DCBLD2: variants seen among roughly 807,000 people sequenced by gnomAD.
DCBLD2 encodes discoidin, CUB and LCCL domain-containing protein 2.
DCBLD2 carries 54 observed loss-of-function variants against 86.8 expected under a neutral mutation model. That is an observed-to-expected ratio of 0.62 (90% confidence interval 0.50 to 0.78). The LOEUF (loss-of-function observed/expected upper bound fraction) is 0.78. Ranked by LOEUF, DCBLD2 falls within the 30% of genes least tolerant of loss-of-function variation. The probability of loss-of-function intolerance (pLI) is 0.00; values close to 1 mark genes in which losing one functional copy is unlikely to be tolerated. For missense variants in DCBLD2, 908 were observed against 954.2 expected (o/e 0.95, Z 0.64); for synonymous variants, 354 against 341.3 (o/e 1.04, Z -0.41).
chr3:98,861,248 A>T (rs1268802051), intron 2 of DCBLD2, among the ~76,000 whole-genome samples: 1 of 152,180 alleles, frequency 6.6e-6, no homozygotes. Context: ...ATCTACAAGG[A>T]GACTTAGACT....
intron 2 of DCBLD2, among the ~76,000 whole-genome samples, chr3:98,855,667 C>T (rs1027232400): frequency 2.6e-5 from 4 of 152,188 alleles, no homozygotes; most frequent in Non-Finnish European, 5.9e-5. Context: ...GACAAAAGAG[C>T]ATATAGGTTT....
chr3:98,855,217 G>A (rs1290167974), intron 2 of DCBLD2, among the ~76,000 whole-genome samples: 2 of 152,108 alleles, frequency 1.3e-5, no homozygotes, highest in African/African-American at 4.8e-5. Flanking sequence ...TATTTAAATG[G>A]ATAATAAATG....
At chr3:98,893,627 G>A (rs1015074259) in intron 1 of DCBLD2, among the ~76,000 whole-genome samples, 1 of 152,010 alleles carries the variant, frequency 6.6e-6, no homozygotes, top group Non-Finnish European at 1.5e-5. Flanking sequence ...TAGAAAGCTC[G>A]TCACTGAAAA....
In DCBLD2 at chr3:98,891,215, G is replaced by GGA. The variant is rs137998675; in HGVS notation, c.206-9450_206-9449dup. On this transcript the variant is annotated intron_variant, in intron 1 of 15. Transcript: ENST00000326840. Reference sequence around the variant, plus strand: ...GGGAGAAGGAGAGAGGGAGAGGGAGGGAGAGAGAGAGAGAGAGAAAGAAAG... The same window carrying GGA: ...GGGAGAAGGAGAGAGGGAGAGGGAGGGAGAGAGAGAGAGAGAGAGAAAGAAAG... Among the ~76,000 whole-genome samples, 521 of 148,716 alleles carry GGA rather than the reference G, an allele frequency of 3.5e-3. 3 individuals carry two copies. Among genetic ancestry groups the GGA allele is most frequent in the Middle Eastern group, 6.9e-3 (2 of 290 alleles).
chr3:98,817,549 A>C (rs1401631346), intron 9 of DCBLD2, among the ~76,000 whole-genome samples: 1 of 152,212 alleles, frequency 6.6e-6, no homozygotes, highest in Non-Finnish European at 1.5e-5. Flanking sequence ...GACAAAAATC[A>C]GAAAAGTACT....
intron 3 of DCBLD2, among the ~76,000 whole-genome samples, chr3:98,836,490 C>G (rs1419890994): frequency 6.6e-6 from 1 of 151,988 alleles, no homozygotes; most frequent in Non-Finnish European, 1.5e-5. Flanking sequence ...CTCATGTCTA[C>G]TTCTTTCTAC....
chr3:98,836,728 ACCC>A (rs1470592441), intron 3 of DCBLD2, among the ~76,000 whole-genome samples: 1 of 25,080 alleles, frequency 4.0e-5, no homozygotes, highest in Non-Finnish European at 1.2e-4. Flanking sequence ...GGGGGGGCTG[ACCC>A]CCCCATCTCC....
intron 3 of DCBLD2, among the ~76,000 whole-genome samples, chr3:98,843,909 A>C (rs376827869): frequency 4.6e-5 from 7 of 152,168 alleles, no homozygotes; most frequent in African/African-American, 1.7e-4. Context: ...CAAACTTTAT[A>C]GACTGAGCAC....
intron 2 of DCBLD2, among the ~76,000 whole-genome samples, chr3:98,873,841 T>C (rs776548642): frequency 4.6e-5 from 7 of 152,128 alleles, no homozygotes; most frequent in Non-Finnish European, 7.4e-5. Flanking sequence ...TGCCCCTAGC[T>C]AATTTAATGA....
intron 2 of DCBLD2, among the ~76,000 whole-genome samples, chr3:98,879,002 G>A (rs1005341907): frequency 2.6e-5 from 4 of 152,246 alleles, no homozygotes; most frequent in East Asian, 1.9e-4. Flanking sequence ...AGAATTCAGC[G>A]AGCAATTTGA....
In DCBLD2 at chr3:98,901,682, T is replaced by G; in HGVS notation, c.-356A>C. On this transcript the variant is annotated 5_prime_UTR_variant, in exon 1 of 16. Transcript: ENST00000326840. ...GCGCTCACCCGCGGCTCCGGCTAGCTGGCAGGCAGGCCCGCAGCCAGCTCC... is the reference window on the plus strand; with the variant it reads ...GCGCTCACCCGCGGCTCCGGCTAGCGGGCAGGCAGGCCCGCAGCCAGCTCC... The G allele has an allele frequency of 5.8e-6, 1 of 173,092 alleles. No homozygotes were observed. The allele number at this position is 173,092 out of a possible 1,614,324, so 10.7% of individuals were successfully genotyped here. A position where few individuals can be genotyped will look rare whatever the true frequency, so the allele number is the denominator to read the frequency against.
At chr3:98,868,274 TG>T (rs1943195284) in intron 2 of DCBLD2, among the ~76,000 whole-genome samples, 1 of 152,056 alleles carries the variant, frequency 6.6e-6, no homozygotes, top group South Asian at 2.1e-4. Context: ...AATAGACTAG[TG>T]GGAGGACTTG....
At position 98,853,965 on chromosome 3, in the gene DCBLD2, C is replaced by A. The variant is rs556104823; in HGVS notation, c.434-4367G>T. Among the ~76,000 whole-genome samples the A allele has an allele frequency of 1.3e-4, 20 of 150,126 alleles. No homozygotes were observed. In the East Asian group the frequency reaches 3.7e-3, roughly 28 times the overall value. On this transcript the variant is annotated intron_variant, in intron 2 of 15. Transcript: ENST00000326840. ...CTTAAAGAGCCTCAGTCCTAATTTA[C>A]AAACTTATTTACGAACAGGTTTTTT...
chr3:98,868,103 A>G (rs1366858602), intron 2 of DCBLD2, among the ~76,000 whole-genome samples: 1 of 152,198 alleles, frequency 6.6e-6, no homozygotes, highest in Non-Finnish European at 1.5e-5. Context: ...GTGCCCGACC[A>G]GAAATAACAT....
intron 2 of DCBLD2, 42 bp from the exon 3 acceptor site, chr3:98,849,640 T>C (rs185600424): frequency 1.3e-6 from 2 of 1,588,296 alleles, no homozygotes; most frequent in East Asian, 2.3e-5. Context: ...ATGACTCTCA[T>C]GAAGTCAATA....
intron 12 of DCBLD2, among the ~76,000 whole-genome samples, chr3:98,808,645 A>G (rs770641004): frequency 6.6e-6 from 1 of 152,190 alleles, no homozygotes; most frequent in Non-Finnish European, 1.5e-5. Flanking sequence ...AACAACCAAC[A>G]CAAAAAAAGT....
At chr3:98,838,167 G>A (rs1229474782) in intron 3 of DCBLD2, among the ~76,000 whole-genome samples, 13 of 118,526 alleles carry the variant, frequency 1.1e-4, no homozygotes, top group Non-Finnish European at 1.9e-4. Flanking sequence ...CCTCCCTCCC[G>A]GACGGGGTGG....
At chr3:98,873,119 A>G (rs1283367132) in intron 2 of DCBLD2, among the ~76,000 whole-genome samples, 1 of 152,122 alleles carries the variant, frequency 6.6e-6, no homozygotes, top group Non-Finnish European at 1.5e-5. Context: ...AAAGTAATAT[A>G]TGATGGGTAG....
chr3:98,806,451 C>G (rs1941841213), intron 13 of DCBLD2, among the ~76,000 whole-genome samples: 1 of 152,114 alleles, frequency 6.6e-6, no homozygotes, highest in Non-Finnish European at 1.5e-5. Flanking sequence ...TTGGAATTTC[C>G]TAAAGTCCTT....
Sources: gnomAD v4.1 joint callset for allele counts (sites outside exome capture counted in the v4.1 genomes callset) on GRCh38, gnomAD v4.1.1 for gene constraint, MANE v1.5 for transcripts, NCBI Gene and HGNC (gene_info 2026-07-23, HGNC 2026-07-21) for gene names.